MACC1: variants seen among roughly 807,000 people sequenced by gnomAD.
The protein encoded by MACC1 is metastasis-associated in colon cancer protein 1.
A neutral mutation model predicts 70.7 loss-of-function variants in MACC1; 79 were observed. The observed-to-expected ratio is 1.12, with a 90% CI of 0.93 to 1.35. The LOEUF (loss-of-function observed/expected upper bound fraction) is 1.35, where lower values mean the gene tolerates loss of function less well. Ranked by LOEUF, MACC1 falls within the 40% of genes most tolerant of loss-of-function variation. The pLI is 0.00. For synonymous variants in MACC1, 361 were observed against 347.2 expected (o/e 1.04, Z -0.44); for missense variants, 1,106 against 978.1 (o/e 1.13, Z -1.74).
In MACC1 at chr7:20,159,657, T is replaced by G; in HGVS notation, c.704A>C (p.His235Pro). ...VQLPESDITV[H>P]VPQGHVAVGE... ...CACAGCCACATGACCTTGGGGCACA[T>G]GAACAGTGATGTCTGATTCAGGTAA... The change falls in exon 5 of 7, where the codon CAT (histidine) becomes CCT (proline). Residue 235 changes from histidine to proline, a missense_variant. Transcript: ENST00000400331. The G allele has an allele frequency of 6.2e-7, 1 of 1,614,174 alleles. No individual in the cohort carries two copies. Among genetic ancestry groups the G allele is most frequent in the Non-Finnish European group, 8.5e-7 (1 of 1,180,024 alleles).
At chr7:20,168,388 T>C (rs1273417942) in intron 2 of MACC1, among the ~76,000 whole-genome samples, 1 of 152,186 alleles carries the variant, frequency 6.6e-6, no homozygotes, top group Non-Finnish European at 1.5e-5. Context: ...AGTATACCTA[T>C]TAGCAGTAGT....
At position 20,202,190 on chromosome 7, in the gene MACC1, T is replaced by A. The variant is rs545418611; in HGVS notation, c.-218+15109A>T. Among the ~76,000 whole-genome samples the A allele has an allele frequency of 7.2e-5, 11 of 152,328 alleles. No homozygotes were observed. In the South Asian group the frequency reaches 8.3e-4, roughly 11 times the overall value. ...AAAGGATAGTGTAGACAAGTGCAGTTATTTAGCAATTCATTAATGCTATCT... is the reference window on the plus strand; with the variant it reads ...AAAGGATAGTGTAGACAAGTGCAGTAATTTAGCAATTCATTAATGCTATCT... On this transcript the variant is annotated intron_variant, in intron 1 of 6. Transcript: ENST00000400331.
intron 1 of MACC1, among the ~76,000 whole-genome samples, chr7:20,175,029 C>T (rs555958652): frequency 5.3e-5 from 8 of 152,004 alleles, no homozygotes; most frequent in South Asian, 2.1e-4. Context: ...ATTTTATTTA[C>T]GATATTTTAT....
chr7:20,215,351 T>C (rs1783053809), intron 1 of MACC1, among the ~76,000 whole-genome samples: 1 of 152,148 alleles, frequency 6.6e-6, no homozygotes, highest in Non-Finnish European at 1.5e-5. Context: ...AGGGGGAGTA[T>C]ATTGCAGGAT....
Position 20,159,140 on chromosome 7 carries a change from C to G in MACC1, c.1221G>C (p.Lys407Asn), listed in dbSNP as rs1286102051. The G allele has an allele frequency of 6.2e-7, 1 of 1,613,714 alleles. No homozygotes were observed. The highest frequency in any genetic ancestry group is 8.5e-7 in the Non-Finnish European group (1 of 1,179,978). Residue 407 changes from lysine (K) to asparagine (N), a missense_variant, in exon 5 of 7, where the codon AAG becomes AAC. Lys to Asn is a moderately conservative substitution (Grantham distance 94). Transcript: ENST00000400331. ...PGQLTISDIK[K>N]GGKNISPVVF... ...CAACTGGAGATATGTTTTTTCCACC[C>G]TTCTTAATATCAGAAATTGTAAGCT...
intron 6 of MACC1, among the ~76,000 whole-genome samples, chr7:20,146,096 G>T (rs1437856090): frequency 2.0e-5 from 3 of 151,322 alleles, no homozygotes; most frequent in African/African-American, 7.3e-5. Flanking sequence ...AGGTGGCAGA[G>T]GTTGCAGTGA....
chr7:20,137,175 C>T lies in MACC1; in HGVS notation c.*3771G>A, dbSNP rs540518014. On this transcript the variant is annotated 3_prime_UTR_variant, in exon 7 of 7. Coordinates refer to ENST00000400331, the MANE Select transcript of MACC1 (RefSeq NM_182762.4). ...ATAAAAATTCAAGTCCTTCAACTTC[C>T]AGTTATAGCATTGTACAAATTTGAG... The T allele has an allele frequency of 8.5e-5, 13 of 152,164 alleles. No individual in the cohort carries two copies. The highest frequency in any genetic ancestry group is 3.1e-4 in the African/African-American group (13 of 41,536). The allele number at this position is 152,164 out of a possible 1,614,324, so 9.4% of individuals were successfully genotyped here. A position where few individuals can be genotyped will look rare whatever the true frequency, so the allele number is the denominator to read the frequency against.
intron 6 of MACC1, among the ~76,000 whole-genome samples, 167 bp downstream of exon 6, chr7:20,154,026 T>C (rs1782018608): frequency 6.6e-6 from 1 of 152,276 alleles, no homozygotes; most frequent in African/African-American, 2.4e-5. Context: ...TAAGAGTGTG[T>C]GTGTTTATTT....
chr7:20,171,168 T>C (rs552423395), intron 1 of MACC1, among the ~76,000 whole-genome samples: 2 of 152,230 alleles, frequency 1.3e-5, no homozygotes, highest in African/African-American at 4.8e-5. Flanking sequence ...TAGACATATA[T>C]ATGATTCAGC....
At chr7:20,190,562 T>C (rs1782657435) in intron 1 of MACC1, among the ~76,000 whole-genome samples, 1 of 152,228 alleles carries the variant, frequency 6.6e-6, no homozygotes, top group African/African-American at 2.4e-5. Flanking sequence ...AGAATTAGCA[T>C]TGGCTTTTTC....
chr7:20,180,310 G>T (rs1404747195), intron 1 of MACC1, among the ~76,000 whole-genome samples: 1 of 151,722 alleles, frequency 6.6e-6, no homozygotes, highest in Admixed American at 6.6e-5. Flanking sequence ...GGGCGTGGTG[G>T]CACGTGCCCG....
rs1055644481 is a variant in MACC1 at position 20,136,803 on chromosome 7, G to C, written c.*4143C>G. ...TCCTTGCGATTATTATTGCGATTAA[G>C]GATTATTATTAATTCTTAAAGATTA... On this transcript the variant is annotated 3_prime_UTR_variant, in exon 7 of 7. Transcript: ENST00000400331. The C allele has an allele frequency of 1.4e-4, 21 of 150,122 alleles. No individual in the cohort carries two copies. The highest frequency in any genetic ancestry group is 5.1e-4 in the African/African-American group (21 of 40,946). 9.3% of individuals were successfully genotyped at this position (150,122 alleles called of 1,614,324 possible). A position where few individuals can be genotyped will look rare whatever the true frequency, so the allele number is the denominator to read the frequency against.
intron 1 of MACC1, among the ~76,000 whole-genome samples, chr7:20,183,344 A>C (rs1782539136): frequency 6.6e-6 from 1 of 152,206 alleles, no homozygotes; most frequent in South Asian, 2.1e-4. Context: ...AGCTGCAAGA[A>C]ACTAATTCTT....
At chr7:20,178,286 CACACACACACA>C (rs1562593176) in intron 1 of MACC1, among the ~76,000 whole-genome samples, 4 of 151,564 alleles carry the variant, frequency 2.6e-5, no homozygotes, top group African/African-American at 9.7e-5. Flanking sequence ...CACACACACA[CACACACACACA>C]CTCCAGAGAA....
At chr7:20,214,081 G>C (rs1783035392) in intron 1 of MACC1, among the ~76,000 whole-genome samples, 1 of 151,814 alleles carries the variant, frequency 6.6e-6, no homozygotes, top group Non-Finnish European at 1.5e-5. Flanking sequence ...TATTTCCAAA[G>C]AGCTCTCCTG....
chr7:20,159,582 ATG>A lies in MACC1; in HGVS notation c.777_778del (p.Met260AlafsTer2), dbSNP rs778982998. 1.5e-5 allele frequency: 24 copies of A among 1,614,162 alleles called. No individual in the cohort carries two copies. In the African/African-American group the frequency reaches 3.1e-4, roughly 21 times the overall value. ...AGTGCACGAAAGATCATGGTTAAGCATGTGTGGCGGATCAAGGAAAGCCCTTA... is the reference window on the plus strand; with the variant it reads ...AGTGCACGAAAGATCATGGTTAAGCATGTGGCGGATCAAGGAAAGCCCTTA... On this transcript the variant is annotated frameshift_variant, in exon 5 of 7. Coordinates refer to ENST00000400331, the MANE Select transcript of MACC1 (RefSeq NM_182762.4). LOFTEE classifies it high-confidence loss of function.
chr7:20,159,530 T>C lies in MACC1; in HGVS notation c.831A>G (p.Leu277=). The C allele has an allele frequency of 6.2e-7, 1 of 1,614,162 alleles. No individual in the cohort carries two copies. The highest frequency in any genetic ancestry group is 2.2e-5 in the East Asian group (1 of 44,880). Residue 277 remains leucine, a synonymous_variant, in exon 5 of 7, where the codon TTA becomes TTG. Coordinates refer to ENST00000400331, the MANE Select transcript of MACC1 (RefSeq NM_182762.4). ...GGGCTTCCATTGTATTGAGGTTGCCTAACATGATTTCCAACAACGGGCTCA... is the reference window on the plus strand; with the variant it reads ...GGGCTTCCATTGTATTGAGGTTGCCCAACATGATTTCCAACAACGGGCTCA... ...CTVSPLLEIM[L]GNLNTMEALL...
At chr7:20,214,819 C>T (rs913204250) in intron 1 of MACC1, among the ~76,000 whole-genome samples, 1 of 152,068 alleles carries the variant, frequency 6.6e-6, no homozygotes, top group African/African-American at 2.4e-5. Flanking sequence ...TTGATCAGTC[C>T]ATATGTTTCC....
At chr7:20,151,159 G>T (rs1425892230) in intron 6 of MACC1, among the ~76,000 whole-genome samples, 1 of 152,038 alleles carries the variant, frequency 6.6e-6, no homozygotes, top group Non-Finnish European at 1.5e-5. Flanking sequence ...TTAAGCAAGG[G>T]GGCCAATGAG....
Sources: gnomAD v4.1 joint callset for allele counts (sites outside exome capture counted in the v4.1 genomes callset) on GRCh38, gnomAD v4.1.1 for gene constraint, MANE v1.5 for transcripts, NCBI Gene and HGNC (gene_info 2026-07-23, HGNC 2026-07-21) for gene names.